Variants in GLRX2 observed in about 807,000 individuals in gnomAD.
The protein encoded by GLRX2 is glutaredoxin 2.
A neutral mutation model predicts 16.4 loss-of-function variants in GLRX2; 12 were observed. The ratio of observed to expected loss-of-function variants is 0.73; its 90% confidence interval spans 0.47 to 1.19. GLRX2 has a LOEUF of 1.19. GLRX2 is among the 50% of genes most tolerant of loss of function. The pLI is 0.00. For missense variants in GLRX2, 201 were observed against 201.8 expected (o/e 1.00, Z 0.02); for synonymous variants, 95 against 76.2 (o/e 1.25, Z -1.28).
chr1:193,098,458 T>G (rs948449300), intron 2 of GLRX2, among the ~76,000 whole-genome samples: 6 of 152,102 alleles, frequency 3.9e-5, no homozygotes, highest in South Asian at 2.1e-4. Flanking sequence ...GAGAATCACT[T>G]GAACCAGGGA....
chr1:193,104,785 G>A (rs1420920623), intron 1 of GLRX2, among the ~76,000 whole-genome samples: 2 of 152,268 alleles, frequency 1.3e-5, no homozygotes, highest in African/African-American at 2.4e-5. Context: ...GCCATTCAGC[G>A]GGAATCATCG....
In GLRX2 at chr1:193,096,678, G is replaced by A; in HGVS notation, c.442C>T (p.Pro148Ser). The change falls in exon 4 of 4, where the codon CCA (proline) becomes TCA (serine). Residue 148 changes from proline to serine, a missense_variant. By Grantham distance (74) the Pro-to-Ser change is moderately conservative (BLOSUM62 -1). Coordinates refer to ENST00000367439, the MANE Select transcript of GLRX2 (RefSeq NM_197962.3). ...HRLHKEGKLL[P>S]LVHQCYLKKS... ...TTTAAATAACACTGATGAACTAGTG[G>A]GAGCAATTTTCCTTCTTTGTGAAGC... 1 of 1,600,540 alleles carries A rather than the reference G, an allele frequency of 6.2e-7. No homozygotes were observed. The highest frequency in any genetic ancestry group is 8.6e-7 in the Non-Finnish European group (1 of 1,168,294).
intron 1 of GLRX2, 51 bp downstream of exon 1, chr1:193,105,213 C>A: frequency 6.6e-7 from 1 of 1,515,758 alleles, no homozygotes; most frequent in Non-Finnish European, 8.7e-7. Flanking sequence ...CTCCAGACCC[C>A]CGCAAGGCCT....
intron 2 of GLRX2, among the ~76,000 whole-genome samples, chr1:193,100,472 TCAAAA>T (rs777632167): frequency 2.6e-5 from 4 of 152,062 alleles, no homozygotes; most frequent in Admixed American, 6.5e-5. Flanking sequence ...AGACGCTGCC[TCAAAA>T]CAAAACAAAA....
upstream of GLRX2, chr1:193,105,542 C>T (rs1283931268): frequency 1.3e-6 from 2 of 1,591,736 alleles, 1 homozygote; most frequent in Admixed American, 3.5e-5. Context: ...CGCGTCCTCC[C>T]AGGGCTGCCC....
At chr1:193,099,543 G>A (rs572586175) in intron 2 of GLRX2, among the ~76,000 whole-genome samples, 1 of 152,224 alleles carries the variant, frequency 6.6e-6, no homozygotes, top group African/African-American at 2.4e-5. Context: ...TGTTGCCCAA[G>A]CTGGTGTTGA....
intron 1 of GLRX2, among the ~76,000 whole-genome samples, chr1:193,103,831 G>A (rs575102518): frequency 6.6e-6 from 1 of 152,046 alleles, no homozygotes; most frequent in Non-Finnish European, 1.5e-5. Flanking sequence ...AAAGTCCTGT[G>A]CGCTTAACTC....
chr1:193,101,458 T>TA (rs1401970242), intron 1 of GLRX2, among the ~76,000 whole-genome samples: 2 of 152,214 alleles, frequency 1.3e-5, no homozygotes, highest in African/African-American at 4.8e-5. Context: ...TTACTGTGTT[T>TA]AAAGCTTGAC....
chr1:193,101,181 G>A lies in GLRX2; in HGVS notation c.143C>T (p.Ser48Phe), dbSNP rs1159113736. 6.2e-7 allele frequency: 1 copy of A among 1,608,444 alleles called. No homozygotes were observed. Residue 48 changes from serine (S) to phenylalanine (F), a missense_variant, in exon 2 of 4, where the codon TCT becomes TTT. Coordinates refer to ENST00000367439, the MANE Select transcript of GLRX2 (RefSeq NM_197962.3). ...ASGMESNTSS[S>F]LENLATAPVN... Reference sequence around the variant, plus strand: ...AGGCGCCGTCGCTAAATTCTCCAAAGATGATGATGTATTGCTCTCCATCCT... The same window carrying A: ...AGGCGCCGTCGCTAAATTCTCCAAAAATGATGATGTATTGCTCTCCATCCT...
intron 2 of GLRX2, among the ~76,000 whole-genome samples, chr1:193,098,403 G>A (rs1365245986): frequency 1.3e-5 from 2 of 151,988 alleles, no homozygotes; most frequent in Admixed American, 6.6e-5. Flanking sequence ...TGCCAGGCAT[G>A]GTGGCACATC....
intron 1 of GLRX2, among the ~76,000 whole-genome samples, chr1:193,101,604 A>C (rs1215056064): frequency 6.6e-6 from 1 of 152,214 alleles, no homozygotes; most frequent in Non-Finnish European, 1.5e-5. Context: ...GAAGCAGGGA[A>C]TCTTCAAAGA....
chr1:193,106,031 G>C, upstream of GLRX2: 1 of 988,924 alleles, frequency 1.0e-6, no homozygotes, highest in Non-Finnish European at 1.2e-6. Context: ...AATTAGCACA[G>C]AGATGTTTCA....
At chr1:193,103,786 ATAGTAT>A (rs1675126475) in intron 1 of GLRX2, among the ~76,000 whole-genome samples, 1 of 152,148 alleles carries the variant, frequency 6.6e-6, no homozygotes, top group South Asian at 2.1e-4. Context: ...TTGCTTCCTA[ATAGTAT>A]TAGCAAGGAA....
chr1:193,105,286 C>G lies in GLRX2; in HGVS notation c.97G>C (p.Ala33Pro), dbSNP rs548358813. ...TACCCAGAGGCCGCAGCTGCCGCAGCTCCCGCAGCTCCCGCCGCCCTGTCA... is the reference window on the plus strand; with the variant it reads ...TACCCAGAGGCCGCAGCTGCCGCAGGTCCCGCAGCTCCCGCCGCCCTGTCA... Reference protein sequence around the residue: ...WLDRAAGAAGAAAAAASGMES... With the variant: ...WLDRAAGAAGPAAAAASGMES... The change falls in exon 1 of 4, where the codon GCT becomes CCT. Residue 33 changes from alanine to proline, a missense_variant. Transcript: ENST00000367439. 8.4e-5 allele frequency: 129 copies of G among 1,527,852 alleles called. No individual in the cohort carries two copies. Among genetic ancestry groups the G allele is most frequent in the Middle Eastern group, 6.8e-4 (3 of 4,390 alleles). The allele number at this position is 1,527,852 out of a possible 1,614,324, so 94.6% of individuals were successfully genotyped here. A position where few individuals can be genotyped will look rare whatever the true frequency, so the allele number is the denominator to read the frequency against.
chr1:193,100,264 CAGG>C (rs1379035111), intron 2 of GLRX2, among the ~76,000 whole-genome samples: 1 of 152,146 alleles, frequency 6.6e-6, no homozygotes, highest in Non-Finnish European at 1.5e-5. Context: ...TGCTTGAAAT[CAGG>C]AGTTCAAGAC....
chr1:193,101,383 C>T lies in GLRX2; in HGVS notation c.120-179G>A, dbSNP rs35241972. Among the ~76,000 whole-genome samples the T allele has an allele frequency of 9.6e-3, 1,455 of 152,132 alleles. 15 individuals are homozygous for T. Among genetic ancestry groups the T allele is most frequent in the South Asian group, 0.034 (163 of 4,826 alleles). The stretch of plus-strand genomic sequence containing the variant: ...TACAAAGTATTTGTTTCACTAAAAC[C>T]AAAAAGGCCTGTGTGCTTATGTAAC... On this transcript the variant is annotated intron_variant, in intron 1 of 3. Transcript: ENST00000367439.
chr1:193,104,749 A>T (rs920246424), intron 1 of GLRX2, among the ~76,000 whole-genome samples: 2 of 152,254 alleles, frequency 1.3e-5, no homozygotes, highest in African/African-American at 4.8e-5. Context: ...CATCACCATC[A>T]GTCAGCCTCT....
In GLRX2 at chr1:193,097,700, T is replaced by C; in HGVS notation, c.244A>G (p.Met82Val). 1 of 1,613,054 alleles carries C rather than the reference T, an allele frequency of 6.2e-7. No individual in the cohort carries two copies. The highest frequency in any genetic ancestry group is 8.5e-7 in the Non-Finnish European group (1 of 1,179,360). Residue 82 changes from methionine to valine, a missense_variant, in exon 3 of 4, where the codon ATG becomes GTG. Physicochemically the swap from Met to Val is conservative, Grantham distance 21 (BLOSUM62 1). Coordinates refer to ENST00000367439, the MANE Select transcript of GLRX2 (RefSeq NM_197962.3). ...ATGTCATGGAAAAGCTTTTTTGCCA[T>C]TGTACAGTAAGAACAGGATGTTTTT... ...FSKTSCSYCT[M>V]AKKLFHDMNV...
chr1:193,101,077 A>G, intron 2 of GLRX2, 64 bp downstream of exon 2: 2 of 954,636 alleles, frequency 2.1e-6, no homozygotes, highest in Non-Finnish European at 3.5e-6. Context: ...AGCATATTAA[A>G]TATATAAGGG....
Sources: allele counts gnomAD v4.1 joint callset (sites outside exome capture counted in the v4.1 genomes callset), GRCh38; gene constraint gnomAD v4.1.1; transcripts MANE v1.5; gene names NCBI Gene and HGNC (gene_info 2026-07-23, HGNC 2026-07-21).